The following IQCE variants were observed in gnomAD, a reference collection of about 807,000 sequenced individuals.
The protein encoded by IQCE is IQ motif containing E, also known as IQ domain-containing protein E.
In IQCE, 115 loss-of-function variants were observed where a neutral mutation model predicts 96.0. The observed-to-expected ratio is 1.20, with a 90% CI of 1.03 to 1.40. The LOEUF (loss-of-function observed/expected upper bound fraction) is 1.40. Ranked by LOEUF, IQCE falls within the 40% of genes most tolerant of loss-of-function variation. The probability of loss-of-function intolerance (pLI) is 0.00; values close to 1 mark genes in which losing one functional copy is unlikely to be tolerated. For missense variants in IQCE, 1,041 were observed against 909.1 expected (o/e 1.15, Z -1.87); for synonymous variants, 412 against 371.2 (o/e 1.11, Z -1.26).
At chr7:2,609,471 C>G (rs1043733961) in intron 21 of IQCE, among the ~76,000 whole-genome samples, 1 of 152,148 alleles carries the variant, frequency 6.6e-6, no homozygotes, top group Non-Finnish European at 1.5e-5. Context: ...CGGGTAGCCA[C>G]CCACCCAGGC....
rs867905305 is a variant in IQCE, at chr7:2,559,080, G to C, written c.-102G>C. 3.2e-6 allele frequency: 2 copies of C among 627,194 alleles called. No individual in the cohort carries two copies. Among genetic ancestry groups the C allele is most frequent in the Non-Finnish European group, 4.4e-6 (2 of 454,088 alleles). The allele number at this position is 627,194 out of a possible 1,614,324, so 38.9% of individuals were successfully genotyped here. A position where few individuals can be genotyped will look rare whatever the true frequency, so the allele number is the denominator to read the frequency against. ...GCAGCGGGGTCGCGGGCCGGCGCCA[G>C]GGAAGGCCCCGAGGCTGCGGGCGGC... is the stretch of plus-strand genomic sequence containing the variant. On this transcript the variant is annotated 5_prime_UTR_variant, in exon 1 of 22. Coordinates refer to ENST00000402050, the MANE Select transcript of IQCE (RefSeq NM_152558.5).
At chr7:2,598,886 T>G in intron 17 of IQCE, 2 of 379,080 alleles carry the variant, frequency 5.3e-6, no homozygotes, top group Non-Finnish European at 9.4e-6. Context: ...AAAGTAAGTT[T>G]TAGACGTTAT....
intron 6 of IQCE, among the ~76,000 whole-genome samples, chr7:2,577,661 G>A (rs1487936542): frequency 4.7e-5 from 4 of 84,730 alleles, no homozygotes; most frequent in East Asian, 3.1e-4. Flanking sequence ...TTGGCTGTGC[G>A]CGCGGGGACG....
intron 13 of IQCE, among the ~76,000 whole-genome samples, chr7:2,588,351 T>C (rs1017768805): frequency 5.9e-5 from 9 of 151,996 alleles, no homozygotes; most frequent in Non-Finnish European, 1.2e-4. Context: ...TTTTTGTTTT[T>C]GTTTTTTTTT....
At chr7:2,579,738 T>C (rs1782518832) in intron 8 of IQCE, among the ~76,000 whole-genome samples, 1 of 148,778 alleles carries the variant, frequency 6.7e-6, no homozygotes, top group African/African-American at 2.5e-5. Flanking sequence ...TGTGTGTGTG[T>C]CTGTGGGTAT....
chr7:2,601,933 G>A (rs1322659508), intron 18 of IQCE: 2 of 160,408 alleles, frequency 1.2e-5, no homozygotes, highest in Non-Finnish European at 2.7e-5. Context: ...TAAATATTTC[G>A]ATAATTTCCC....
chr7:2,572,222 T>A lies in IQCE; in HGVS notation c.290T>A (p.Leu97His). The A allele has an allele frequency of 6.2e-7, 1 of 1,614,116 alleles. No homozygotes were observed. The highest frequency in any genetic ancestry group is 2.2e-5 in the East Asian group (1 of 44,874). ...GSLTQALNSP[L>H]TWEHAWTGVP... ...CTGACCCAGGCCCTGAACTCACCCC[T>A]CACCTGGGAGCATGCGTGGACTGGC... is the stretch of plus-strand genomic sequence containing the variant. The change falls in exon 5 of 22, where the codon CTC (leucine) becomes CAC (histidine). Residue 97 changes from leucine to histidine, a missense_variant. By Grantham distance (99) the Leu-to-His change is moderately conservative. Coordinates refer to ENST00000402050, the MANE Select transcript of IQCE (RefSeq NM_152558.5).
Position 2,568,992 on chromosome 7 carries a change from A to C in IQCE, c.123A>C (p.Thr41=). Residue 41 remains threonine (T), a synonymous_variant, in exon 3 of 22, where the codon ACA becomes ACC. Coordinates refer to ENST00000402050, the MANE Select transcript of IQCE (RefSeq NM_152558.5). ...KRKAFHKPPP[T]SPKSPYLSKP... ...AAGCTTTCCACAAACCTCCACCCAC[A>C]TCGCCAAGTAAGTATGACGAGGCCT... 1 of 1,613,972 alleles carries C rather than the reference A, an allele frequency of 6.2e-7. No homozygotes were observed. The highest frequency in any genetic ancestry group is 1.6e-4 in the Middle Eastern group (1 of 6,062).
chr7:2,605,113 C>A, intron 19 of IQCE, 122 bp downstream of exon 19: 1 of 676,534 alleles, frequency 1.5e-6, no homozygotes, highest in Non-Finnish European at 2.6e-6. Context: ...CAGCAGGCGT[C>A]CCCTGCGCTC....
chr7:2,577,691 T>G (rs1428786917), intron 6 of IQCE, among the ~76,000 whole-genome samples: 11 of 64,756 alleles, frequency 1.7e-4, no homozygotes, highest in Non-Finnish European at 2.2e-4. Flanking sequence ...CGTGCACGCA[T>G]TGGCGTGTGC....
In IQCE at chr7:2,612,126, G is replaced by A. The variant is rs1405819848; in HGVS notation, c.*1964G>A. 6.6e-6 allele frequency: 1 copy of A among 152,240 alleles called. No individual in the cohort carries two copies. Among genetic ancestry groups the A allele is most frequent in the Non-Finnish European group, 1.5e-5 (1 of 68,056 alleles). 9.4% of individuals were successfully genotyped at this position (152,240 alleles called of 1,614,324 possible). A position where few individuals can be genotyped will look rare whatever the true frequency, so the allele number is the denominator to read the frequency against. On this transcript the variant is annotated 3_prime_UTR_variant, in exon 22 of 22. Transcript: ENST00000402050. ...GTTTCTGCGGGACGTGCTCACTCTTGGGAACCAGTGGCCTAGAGCTTTGGG... is the reference window on the plus strand; with the variant it reads ...GTTTCTGCGGGACGTGCTCACTCTTAGGAACCAGTGGCCTAGAGCTTTGGG...
rs560519399 is a variant in IQCE at position 2,582,131 on chromosome 7, C to T, written c.631-449C>T. ...TTCCCCAAATAGAGGGGAGTGGCTCCTCAGGCCCCTACGGCCGCGCTGTCT... is the reference window on the plus strand; with the variant it reads ...TTCCCCAAATAGAGGGGAGTGGCTCTTCAGGCCCCTACGGCCGCGCTGTCT... On this transcript the variant is annotated intron_variant, in intron 8 of 21. Transcript: ENST00000402050. The T allele has an allele frequency of 1.2e-3, 545 of 460,152 alleles. 10 individuals carry two copies. Among genetic ancestry groups the T allele is most frequent in the South Asian group, 8.4e-3 (529 of 62,706 alleles). 28.5% of individuals were successfully genotyped at this position (460,152 alleles called of 1,614,324 possible).
intron 18 of IQCE, among the ~76,000 whole-genome samples, chr7:2,602,128 G>A (rs1784475433): frequency 6.6e-6 from 1 of 152,152 alleles, no homozygotes; most frequent in Admixed American, 6.5e-5. Flanking sequence ...GCACACAAAG[G>A]CCAGGAGGTC....
rs901599750 is a variant in IQCE at position 2,610,240 on chromosome 7, G to C, written c.*78G>C. The C allele has an allele frequency of 4.5e-6, 4 of 879,308 alleles. No homozygotes were observed. Among genetic ancestry groups the C allele is most frequent in the Non-Finnish European group, 7.8e-6 (4 of 515,290 alleles). 54.5% of individuals were successfully genotyped at this position (879,308 alleles called of 1,614,324 possible). On this transcript the variant is annotated 3_prime_UTR_variant, in exon 22 of 22. Coordinates refer to ENST00000402050, the MANE Select transcript of IQCE (RefSeq NM_152558.5). ...ACCACGACTGGAAAGATAATTTATC[G>C]TGTTAGGAGAAGAACGATGATACCT...
intron 1 of IQCE, chr7:2,559,457 G>C: frequency 7.4e-6 from 2 of 271,226 alleles, no homozygotes; most frequent in Non-Finnish European, 6.9e-6. Context: ...AGCTCTCCGG[G>C]ACGCCGCGCC....
At chr7:2,587,790 A>T (rs1164291643) in intron 12 of IQCE, 32 bp from the exon 13 acceptor site, 4 of 1,612,174 alleles carry the variant, frequency 2.5e-6, no homozygotes, top group Non-Finnish European at 3.4e-6. Context: ...GCCCACCAGG[A>T]TGCCGTTTTG....
At position 2,578,283 on chromosome 7, in the gene IQCE, G is replaced by C; in HGVS notation, c.507G>C (p.Thr169=). ...VQKSDVDLMR[T]KLRRLEEENS... is the part of the protein sequence containing the mutation. ...AGAGCGACGTGGACCTGATGAGAAC[G>C]AAGCTCCGGCGCCTGGAGGAGGAAA... The change falls in exon 7 of 22, where the codon ACG becomes ACC. Residue 169 remains threonine, a synonymous_variant. Transcript: ENST00000402050. The C allele has an allele frequency of 1.2e-6, 2 of 1,613,922 alleles. No homozygotes were observed. The highest frequency in any genetic ancestry group is 1.7e-6 in the Non-Finnish European group (2 of 1,179,924).
At chr7:2,592,612 A>C (rs1187600366) in intron 14 of IQCE, among the ~76,000 whole-genome samples, 1 of 152,252 alleles carries the variant, frequency 6.6e-6, no homozygotes, top group Non-Finnish European at 1.5e-5. Context: ...ATCTGGGAGC[A>C]GTTCAGCTGG....
At chr7:2,577,355 C>A (rs2917745) in intron 6 of IQCE, among the ~76,000 whole-genome samples, 1 of 115,982 alleles carries the variant, frequency 8.6e-6, no homozygotes, top group Admixed American at 8.3e-5. Context: ...CGTGGCTGTG[C>A]GCGCGGGGAC....
Sources: allele counts gnomAD v4.1 joint callset (sites outside exome capture counted in the v4.1 genomes callset), GRCh38; gene constraint gnomAD v4.1.1; transcripts MANE v1.5; gene names NCBI Gene and HGNC (gene_info 2026-07-23, HGNC 2026-07-21).